Variants in AKR1E2 observed in about 807,000 individuals in gnomAD.
The protein encoded by AKR1E2 is aldo-keto reductase family 1 member E2.
In AKR1E2, 43 loss-of-function variants were observed where a neutral mutation model predicts 41.9. The observed-to-expected ratio is 1.03, with a 90% CI of 0.80 to 1.32. The LOEUF (loss-of-function observed/expected upper bound fraction) is 1.32, where lower values mean the gene tolerates loss of function less well. Among genes scored for constraint, AKR1E2 ranks in the 40% most tolerant of loss-of-function variants. AKR1E2 has a pLI of 0.00. For missense variants in AKR1E2, 423 were observed against 396.5 expected (o/e 1.07, Z -0.57); for synonymous variants, 121 against 138.9 (o/e 0.87, Z 0.91).
chr10:4,830,948 C>A, intron 2 of AKR1E2, 106 bp downstream of exon 2: 1 of 1,364,774 alleles, frequency 7.3e-7, no homozygotes, highest in South Asian at 1.3e-5. Context: ...ATACTCAAAT[C>A]GGAATAAACA....
chr10:4,847,290 G>A (rs2131578161), intron 9 of AKR1E2, 60 bp downstream of exon 9: 6 of 1,607,102 alleles, frequency 3.7e-6, no homozygotes, highest in Middle Eastern at 1.7e-4. Flanking sequence ...AATGATTGGT[G>A]TCTGAATAGG....
the AKR1E2 span, chr10:4,872,028 G>T: frequency 6.6e-6 from 1 of 152,280 alleles, no homozygotes; most frequent in South Asian, 2.1e-4. Context: ...AATTAACACA[G>T]TTTTCTTTGT....
At chr10:4,845,357 G>C (rs1834251565) in intron 8 of AKR1E2, among the ~76,000 whole-genome samples, 1 of 152,224 alleles carries the variant, frequency 6.6e-6, no homozygotes, top group Non-Finnish European at 1.5e-5. Context: ...CCCAGGAAGG[G>C]GCTCCCACAG....
Position 4,841,763 on chromosome 10 carries a change from C to G in AKR1E2, c.681-22C>G, listed in dbSNP as rs748822427. On this transcript the variant is annotated intron_variant, in intron 6 of 9. Transcript: ENST00000298375. ...TCCATGTTGGATCTCCTGGCTCACT[C>G]CCCTGTACTGTGTCTCTCTAGTGAG... 7 of 1,591,006 alleles carry G rather than the reference C, an allele frequency of 4.4e-6. No individual in the cohort carries two copies. In the East Asian group the frequency reaches 1.6e-4, roughly 36 times the overall value.
chr10:4,869,739 G>A, the AKR1E2 span, among the ~76,000 whole-genome samples: 5 of 151,464 alleles, frequency 3.3e-5, no homozygotes, highest in Non-Finnish European at 5.9e-5. Context: ...TTTTTATTTC[G>A]CTCAAGACTT....
Position 4,844,209 on chromosome 10 carries a change from C to A in AKR1E2, c.837+1705C>A, listed in dbSNP as rs143293957. On this transcript the variant is annotated intron_variant, in intron 8 of 9. Coordinates refer to ENST00000298375, the MANE Select transcript of AKR1E2 (RefSeq NM_001040177.3). Reference sequence around the variant, plus strand: ...TCTGGTGGGTTCATGGTCTCACTGGCTTAGGAGTGAAGGTGAGGACCTTTG... The same window carrying A: ...TCTGGTGGGTTCATGGTCTCACTGGATTAGGAGTGAAGGTGAGGACCTTTG... Among the ~76,000 whole-genome samples, 1,019 of 152,088 alleles carry A rather than the reference C, an allele frequency of 6.7e-3. 3 individuals are homozygous for A. The highest frequency in any genetic ancestry group is 0.014 in the Middle Eastern group (4 of 294).
chr10:4,829,123 T>TA (rs1832773813), intron 1 of AKR1E2, among the ~76,000 whole-genome samples: 1 of 152,224 alleles, frequency 6.6e-6, no homozygotes. Flanking sequence ...TTTTAAAGGA[T>TA]GTAAGATGGA....
intron 8 of AKR1E2, chr10:4,845,676 T>C: frequency 2.1e-6 from 1 of 467,722 alleles, no homozygotes; most frequent in South Asian, 1.6e-5. Flanking sequence ...TCTGCCCTTC[T>C]GCCGTCGTGG....
At chr10:4,859,013 G>A in the AKR1E2 span, among the ~76,000 whole-genome samples, 3 of 151,752 alleles carry the variant, frequency 2.0e-5, no homozygotes, top group East Asian at 1.9e-4. Context: ...TAGTAGAGAC[G>A]AGGTTTCACC....
At chr10:4,839,896 G>C in intron 6 of AKR1E2, 70 bp downstream of exon 6, 1 of 1,423,132 alleles carries the variant, frequency 7.0e-7, no homozygotes, top group Non-Finnish European at 9.9e-7. Flanking sequence ...TCATTTCCTT[G>C]GGATGACTGA....
chr10:4,826,985 AG>A (rs1177591178), intron 1 of AKR1E2, among the ~76,000 whole-genome samples: 1 of 147,886 alleles, frequency 6.8e-6, no homozygotes, highest in Non-Finnish European at 1.5e-5. Flanking sequence ...CTGAGGTGGG[AG>A]GATCACTGGA....
chr10:4,847,638 G>A lies in AKR1E2; in HGVS notation c.*108G>A, dbSNP rs1426684673. The A allele has an allele frequency of 7.7e-7, 1 of 1,298,654 alleles. No homozygotes were observed. Among genetic ancestry groups the A allele is most frequent in the Non-Finnish European group, 1.1e-6 (1 of 913,526 alleles). 80.4% of individuals were successfully genotyped at this position (1,298,654 alleles called of 1,614,324 possible). A position where few individuals can be genotyped will look rare whatever the true frequency, so the allele number is the denominator to read the frequency against. ...GCCAGGGCAGCTGTGCCTGGGACAGGAGCCACACAGTCAGAGGGGGATGTA... is the reference window on the plus strand; with the variant it reads ...GCCAGGGCAGCTGTGCCTGGGACAGAAGCCACACAGTCAGAGGGGGATGTA... On this transcript the variant is annotated 3_prime_UTR_variant, in exon 10 of 10. Transcript: ENST00000298375.
intron 6 of AKR1E2, among the ~76,000 whole-genome samples, chr10:4,841,356 C>T (rs1833856026): frequency 6.6e-6 from 1 of 152,148 alleles, no homozygotes; most frequent in South Asian, 2.1e-4. Flanking sequence ...TCACAATATT[C>T]ACTTTTTAGT....
chr10:4,861,911 C>T, the AKR1E2 span, among the ~76,000 whole-genome samples: 2 of 152,144 alleles, frequency 1.3e-5, no homozygotes, highest in Admixed American at 1.3e-4. Flanking sequence ...ATTTCTTTTG[C>T]TGTGCAGAAG....
In AKR1E2 at chr10:4,842,401, G is replaced by A. The variant is rs1053247023; in HGVS notation, c.754-20G>A. On this transcript the variant is annotated intron_variant, in intron 7 of 9. Coordinates refer to ENST00000298375, the MANE Select transcript of AKR1E2 (RefSeq NM_001040177.3). ...TGGGATTTCCCTTTGTGTGATAGTA[G>A]ACTTTTTGTTTCCTTGCAGATTTTG... 6.2e-7 allele frequency: 1 copy of A among 1,611,234 alleles called. No homozygotes were observed. Among genetic ancestry groups the A allele is most frequent in the East Asian group, 2.2e-5 (1 of 44,840 alleles).
At chr10:4,849,800 G>A (rs546225902), downstream of AKR1E2, among the ~76,000 whole-genome samples, 3 of 152,300 alleles carry the variant, frequency 2.0e-5, no homozygotes, top group South Asian at 2.1e-4. Flanking sequence ...ACTTCCAGCC[G>A]GCATGAAAAC....
chr10:4,866,576 C>G, the AKR1E2 span, among the ~76,000 whole-genome samples: 3 of 151,858 alleles, frequency 2.0e-5, no homozygotes, highest in African/African-American at 4.8e-5. Context: ...GTGCAGGAGA[C>G]CGGTGTTTTA....
chr10:4,836,478 G>A (rs1474719138), intron 4 of AKR1E2, among the ~76,000 whole-genome samples: 1 of 152,188 alleles, frequency 6.6e-6, no homozygotes, highest in Non-Finnish European at 1.5e-5. Flanking sequence ...TTACAGTCTT[G>A]CTAACCATCA....
chr10:4,826,587 G>A (rs1457492729), intron 1 of AKR1E2, among the ~76,000 whole-genome samples: 1 of 152,186 alleles, frequency 6.6e-6, no homozygotes, highest in East Asian at 1.9e-4. Context: ...GGCGCTCTCT[G>A]GGAGAAGCGG....
Sources: gnomAD v4.1 joint callset for allele counts (sites outside exome capture counted in the v4.1 genomes callset) on GRCh38, gnomAD v4.1.1 for gene constraint, MANE v1.5 for transcripts, NCBI Gene and HGNC (gene_info 2026-07-23, HGNC 2026-07-21) for gene names.